HUWE1: variants seen among roughly 807,000 people sequenced by gnomAD.
HUWE1 encodes HECT, UBA and WWE domain containing E3 ubiquitin protein ligase 1.
Under a neutral mutation model 299.4 loss-of-function variants are expected in HUWE1, and 18 were observed. The ratio of observed to expected loss-of-function variants is 0.06; its 90% CI spans 0.04 to 0.09. The LOEUF is 0.09. Among genes scored for constraint, HUWE1 ranks in the 10% least tolerant of loss-of-function variants. The pLI is 1.00. For missense variants in HUWE1, 1,832 were observed against 3,462.3 expected, an observed-to-expected ratio of 0.53 and a Z score of 11.82; for synonymous variants, 1,317 against 1,286.1, an observed-to-expected ratio of 1.02 and a Z score of -0.51.
chrX:53,684,486 A>C (rs1557054967), intron 2 of HUWE1, among the ~76,000 whole-genome samples: 2 of 111,884 alleles, frequency 1.8e-5, no homozygotes. Context: ...AATCTCGGCC[A>C]TGTCCTGAAA....
intron 68 of HUWE1, among the ~76,000 whole-genome samples, 168 bp downstream of exon 68, chrX:53,547,505 A>G (rs1311718181): frequency 8.9e-6 from 1 of 111,938 alleles, no homozygotes; most frequent in Non-Finnish European, 1.9e-5. Context: ...GAAGGGAGAC[A>G]GAGTGAGAGA....
At chrX:53,537,107 G>A (rs2061099241) in intron 78 of HUWE1, among the ~76,000 whole-genome samples, 1 of 111,546 alleles carries the variant, frequency 9.0e-6, no homozygotes, top group African/African-American at 3.3e-5. Flanking sequence ...CACCACAAGA[G>A]ATGGGGAGGA....
chrX:53,597,192 G>C (rs1188317262), intron 29 of HUWE1, among the ~76,000 whole-genome samples: 1 of 111,306 alleles, frequency 9.0e-6, no homozygotes, highest in Non-Finnish European at 1.9e-5. Context: ...CTTAAAGAAT[G>C]TCAAGATAAT....
chrX:53,627,519 C>T lies in HUWE1; in HGVS notation c.1384-4G>A, dbSNP rs782232840. On this transcript the variant is annotated splice_region_variant and splice_polypyrimidine_tract_variant and intron_variant, in intron 16 of 83. Coordinates refer to ENST00000262854, the MANE Select transcript of HUWE1 (RefSeq NM_031407.7). ...TTCGGCACAAATCTACTTCATGCTA[C>T]AATCAAGAGAAAGGTTATAAGAAAA... is the stretch of plus-strand genomic sequence containing the variant. 1 of 1,140,651 alleles carries T rather than the reference C, an allele frequency of 8.8e-7. No homozygotes were observed. Among genetic ancestry groups the T allele is most frequent in the Non-Finnish European group, 1.2e-6 (1 of 834,177 alleles). 94.0% of individuals were successfully genotyped at this position (1,140,651 alleles called of 1,213,427 possible). A position where few individuals can be genotyped will look rare whatever the true frequency, so the allele number is the denominator to read the frequency against.
chrX:53,634,261 T>C lies in HUWE1; in HGVS notation c.542A>G (p.Glu181Gly), dbSNP rs1557024947. 1 of 1,208,360 alleles carries C rather than the reference T, an allele frequency of 8.3e-7. No individual in the cohort carries two copies. The highest frequency in any genetic ancestry group is 3.0e-5 in the East Asian group (1 of 33,831). The change falls in exon 8 of 84, where the codon GAA becomes GGA. Residue 181 changes from glutamate (E) to glycine (G), a missense_variant. Glu to Gly is a moderately conservative substitution (Grantham distance 98). Around this residue, in one of 15 missense-constraint regions of HUWE1, gnomAD observed 658 missense variants for 1,282.6 expected, o/e 0.51. Coordinates refer to ENST00000262854, the MANE Select transcript of HUWE1 (RefSeq NM_031407.7). ...GGKENGFGLAECCRDLHMMKY... is the reference protein window; with the variant it reads ...GGKENGFGLAGCCRDLHMMKY... Reference sequence around the variant, plus strand: ...CATCATATGCAAGTCTCTGCAACATTCTGCAAGTCCAAAGCCATTCTCCTT... The same window carrying C: ...CATCATATGCAAGTCTCTGCAACATCCTGCAAGTCCAAAGCCATTCTCCTT...
chrX:53,673,160 A>G (rs1215870972), intron 3 of HUWE1, among the ~76,000 whole-genome samples: 1 of 111,936 alleles, frequency 8.9e-6, no homozygotes, highest in Non-Finnish European at 1.9e-5. Flanking sequence ...TGGCCACCAC[A>G]TCGGTTTTGA....
chrX:53,548,066 C>T lies in HUWE1; in HGVS notation c.10243G>A (p.Ala3415Thr), dbSNP rs781834300. The change falls in exon 68 of 84, where the codon GCT becomes ACT. Residue 3415 changes from alanine (A) to threonine (T), a missense_variant. Transcript: ENST00000262854. ...KNSVKSVPVS[A>T]GGEGETSPYS... is the part of the protein sequence containing the mutation. ...GGAGAGGTTTCCCCCTCACCGCCAGCGCTCACTGGCACTGACTTCACGGAG... is the reference window on the plus strand; with the variant it reads ...GGAGAGGTTTCCCCCTCACCGCCAGTGCTCACTGGCACTGACTTCACGGAG... The T allele has an allele frequency of 9.9e-6, 12 of 1,207,498 alleles. No individual in the cohort carries two copies. Among genetic ancestry groups the T allele is most frequent in the African/African-American group, 8.7e-5 (5 of 57,153 alleles).
At chrX:53,674,908 A>G (rs1317256144) in intron 3 of HUWE1, among the ~76,000 whole-genome samples, 1 of 112,157 alleles carries the variant, frequency 8.9e-6, no homozygotes, top group African/African-American at 3.2e-5. Flanking sequence ...CCCAAGTAAC[A>G]TAGCTACTAA....
intron 61 of HUWE1, 53 bp from the exon 62 acceptor site, chrX:53,552,946 A>T: frequency 8.4e-7 from 1 of 1,184,104 alleles, no homozygotes; most frequent in Non-Finnish European, 1.1e-6. Flanking sequence ...CCGGGGCAAA[A>T]TGACAGATAA....
intron 47 of HUWE1, among the ~76,000 whole-genome samples, chrX:53,573,246 GTTTT>G (rs199608213): frequency 1.8e-5 from 2 of 110,846 alleles, no homozygotes; most frequent in Non-Finnish European, 1.9e-5. Context: ...GCTCTTTCAG[GTTTT>G]TTTTGAGACA....
chrX:53,622,033 T>C (rs1045268886), intron 19 of HUWE1, among the ~76,000 whole-genome samples: 4 of 112,154 alleles, frequency 3.6e-5, no homozygotes, highest in African/African-American at 1.3e-4. Context: ...AAAAGTGGCA[T>C]AGAAGAGCCA....
At chrX:53,562,615 C>T (rs148507698) in intron 53 of HUWE1, among the ~76,000 whole-genome samples, 2 of 111,849 alleles carry the variant, frequency 1.8e-5, no homozygotes, top group East Asian at 5.6e-4. Flanking sequence ...GAGAAGAAAG[C>T]GAACCAAGTA....
Position 53,625,193 on chromosome X carries a change from T to C in HUWE1, c.1555A>G (p.Ile519Val). ...KSMLNFLKKA[I>V]QDPAFSDGIR... The stretch of plus-strand genomic sequence containing the variant: ...CCATCTGAGAAAGCAGGGTCTTGGA[T>C]GGCCTTCTTGAGGAAATTCAACATG... Residue 519 changes from isoleucine to valine, a missense_variant, in exon 18 of 84, where the codon ATC (isoleucine) becomes GTC (valine). By Grantham distance (29) the Ile-to-Val change is conservative. Around this residue, in one of 15 missense-constraint regions of HUWE1, gnomAD observed 658 missense variants for 1,282.6 expected, o/e 0.51. Coordinates refer to ENST00000262854, the MANE Select transcript of HUWE1 (RefSeq NM_031407.7). 5.0e-6 allele frequency: 6 copies of C among 1,204,594 alleles called. No individual in the cohort carries two copies. The highest frequency in any genetic ancestry group is 6.8e-6 in the Non-Finnish European group (6 of 888,828).
chrX:53,661,393 T>C (rs2068999272), intron 3 of HUWE1, among the ~76,000 whole-genome samples: 1 of 111,431 alleles, frequency 9.0e-6, no homozygotes, highest in Non-Finnish European at 1.9e-5. Context: ...GAATAAAAAT[T>C]TGTGACAGAT....
At chrX:53,560,096 TG>T in intron 56 of HUWE1, 91 bp downstream of exon 56, 1 of 726,550 alleles carries the variant, frequency 1.4e-6, no homozygotes, top group South Asian at 2.3e-5. Flanking sequence ...CATTAAGTGA[TG>T]GACTATTTCC....
intron 35 of HUWE1, 34 bp from the exon 36 acceptor site, chrX:53,589,850 A>G: frequency 8.5e-7 from 1 of 1,175,173 alleles, no homozygotes; most frequent in African/African-American, 1.8e-5. Context: ...AATAATACAC[A>G]GGAGAGGTGA....
In HUWE1 at chrX:53,548,968, T is replaced by C. The variant is rs370047019; in HGVS notation, c.10026A>G (p.Gln3342=). The C allele has an allele frequency of 4.8e-5, 58 of 1,195,896 alleles. No individual in the cohort carries two copies. The highest frequency in any genetic ancestry group is 6.1e-5 in the Non-Finnish European group (54 of 887,664). ...VCRHVLDTLI[Q]LAKVFPSHFT... is the part of the protein sequence containing the mutation. ...GGTTTGAAACCCTCACCTTGGCCAA[T>C]TGAATGAGTGTATCCAAAACGTGTC... The change falls in exon 67 of 84, where the codon CAA becomes CAG. Residue 3342 remains glutamine (Q), a synonymous_variant. Coordinates refer to ENST00000262854, the MANE Select transcript of HUWE1 (RefSeq NM_031407.7).
intron 17 of HUWE1, chrX:53,626,134 T>C (rs186608299): frequency 3.2e-6 from 1 of 313,785 alleles, no homozygotes; most frequent in East Asian, 9.9e-5. Context: ...GTGAAATGAA[T>C]ATAAAAATGA....
rs868941252 is a variant in HUWE1 at position 53,558,869 on chromosome X, G to A, written c.8006-60C>T. ...GGTGGGGTCAGGGAGGAAGCCAAGA[G>A]GCAGAGCTTGTAGCCACAGAGAACC... On this transcript the variant is annotated intron_variant, in intron 58 of 83. Transcript: ENST00000262854. 17 of 1,187,736 alleles carry A rather than the reference G, an allele frequency of 1.4e-5. No homozygotes were observed. The African/African-American group carries it at 2.6e-4, about 18-fold the overall frequency.
Sources: allele counts gnomAD v4.1 joint callset (sites outside exome capture counted in the v4.1 genomes callset), GRCh38; gene constraint gnomAD v4.1.1; regional missense constraint gnomAD v4.1.1; transcripts MANE v1.5; gene names NCBI Gene and HGNC (gene_info 2026-07-23, HGNC 2026-07-21).